ENTREP2: variants seen among roughly 807,000 people sequenced by gnomAD.
The protein encoded by ENTREP2 is protein ENTREP2.
At chr15:29,254,399 G>A in the ENTREP2 span, among the ~76,000 whole-genome samples, 1 of 152,088 alleles carries the variant, frequency 6.6e-6, no homozygotes, top group Admixed American at 6.5e-5. Context: ...TTGCCCCACT[G>A]ATATTGGCCA....
chr15:29,431,883 T>C, the ENTREP2 span, among the ~76,000 whole-genome samples: 1 of 152,156 alleles, frequency 6.6e-6, no homozygotes, highest in Non-Finnish European at 1.5e-5. Context: ...TTCAAATTAA[T>C]GAAATGAACA....
At chr15:29,219,317 A>G in the ENTREP2 span, among the ~76,000 whole-genome samples, 1 of 151,992 alleles carries the variant, frequency 6.6e-6, no homozygotes. Context: ...AAATCAAAAA[A>G]TAGTAGATGT....
the ENTREP2 span, among the ~76,000 whole-genome samples, chr15:29,229,653 C>T: frequency 6.6e-6 from 1 of 152,096 alleles, no homozygotes; most frequent in African/African-American, 2.4e-5. Context: ...TAACCTGTCC[C>T]TTCTTGTACT....
the ENTREP2 span, among the ~76,000 whole-genome samples, chr15:29,399,986 A>C: frequency 6.6e-6 from 1 of 152,194 alleles, no homozygotes; most frequent in African/African-American, 2.4e-5. Flanking sequence ...TCCACATATA[A>C]GTGGACCTAT....
At chr15:29,613,860 G>A in the ENTREP2 span, 4 of 168,704 alleles carry the variant, frequency 2.4e-5, no homozygotes, top group Admixed American at 1.2e-4. Flanking sequence ...GAAGCCAGCT[G>A]TATAGGGCTC....
At chr15:29,625,521 G>A in the ENTREP2 span, among the ~76,000 whole-genome samples, 271 of 150,838 alleles carry the variant, frequency 1.8e-3, 1 homozygote, top group East Asian at 0.02. Context: ...TCAGCCTCCC[G>A]AGTAGCTAAG....
At chr15:29,244,605 G>A in the ENTREP2 span, among the ~76,000 whole-genome samples, 8 of 152,246 alleles carry the variant, frequency 5.3e-5, no homozygotes, top group Admixed American at 1.3e-4. Flanking sequence ...CCTGGATCAG[G>A]GAAGCAGCGT....
chr15:29,550,692 C>A, the ENTREP2 span, among the ~76,000 whole-genome samples: 1 of 152,156 alleles, frequency 6.6e-6, no homozygotes, highest in Non-Finnish European at 1.5e-5. Context: ...AATACAAAGA[C>A]ACTCTAATTT....
chr15:29,268,668 G>T, the ENTREP2 span: 2 of 930,100 alleles, frequency 2.2e-6, no homozygotes, highest in Non-Finnish European at 1.6e-6. Context: ...ACATCCTAAA[G>T]CTACACACAT....
At chr15:29,374,300 A>C in the ENTREP2 span, 1 of 151,920 alleles carries the variant, frequency 6.6e-6, no homozygotes, top group East Asian at 1.9e-4. Flanking sequence ...TTTTGCATTA[A>C]TTGGATATTT....
the ENTREP2 span, among the ~76,000 whole-genome samples, chr15:29,258,449 C>T: frequency 3.3e-5 from 5 of 151,140 alleles, no homozygotes; most frequent in Non-Finnish European, 7.4e-5. Context: ...ACAGATGCTA[C>T]GAAAGTCAAG....
the ENTREP2 span, among the ~76,000 whole-genome samples, chr15:29,183,562 T>G: frequency 6.6e-6 from 1 of 152,220 alleles, no homozygotes; most frequent in Non-Finnish European, 1.5e-5. Flanking sequence ...AGAAGCAACC[T>G]GTGGAATACT....
At chr15:29,202,521 A>AG in the ENTREP2 span, among the ~76,000 whole-genome samples, 2 of 152,102 alleles carry the variant, frequency 1.3e-5, no homozygotes, top group Non-Finnish European at 2.9e-5. Flanking sequence ...CAGAATGTAC[A>AG]GGTTTGTTAC....
At chr15:29,118,709 G>A in the ENTREP2 span, among the ~76,000 whole-genome samples, 1 of 151,290 alleles carries the variant, frequency 6.6e-6, no homozygotes, top group Non-Finnish European at 1.5e-5. Context: ...GCGTGTGCGT[G>A]TGTAAAAGCC....
the ENTREP2 span, among the ~76,000 whole-genome samples, chr15:29,384,819 C>T: frequency 2.0e-5 from 3 of 152,132 alleles, no homozygotes; most frequent in African/African-American, 4.8e-5. Context: ...GGCCACATTC[C>T]GGGGCTCTGG....
the ENTREP2 span, among the ~76,000 whole-genome samples, chr15:29,443,775 G>A: frequency 6.6e-6 from 1 of 152,008 alleles, no homozygotes; most frequent in Non-Finnish European, 1.5e-5. Flanking sequence ...ATCCTCGGAG[G>A]CTTTGATTGG....
At chr15:29,625,728 C>A in the ENTREP2 span, among the ~76,000 whole-genome samples, 10 of 152,112 alleles carry the variant, frequency 6.6e-5, no homozygotes, top group Admixed American at 6.5e-4. Context: ...ACTTATTTTC[C>A]AGAGTGGTTA....
the ENTREP2 span, among the ~76,000 whole-genome samples, chr15:29,498,584 A>C: frequency 1.3e-5 from 2 of 152,204 alleles, no homozygotes; most frequent in African/African-American, 4.8e-5. Flanking sequence ...CCTATCCTGA[A>C]GAATGTTCCA....
At chr15:29,383,941 C>G in the ENTREP2 span, among the ~76,000 whole-genome samples, 1 of 152,344 alleles carries the variant, frequency 6.6e-6, no homozygotes, top group East Asian at 1.9e-4. Flanking sequence ...GGTCCCCTCC[C>G]ATGGCCATGC....
Sources: gnomAD v4.1 joint callset for allele counts (sites outside exome capture counted in the v4.1 genomes callset) on GRCh38, gnomAD v4.1.1 for gene constraint, MANE v1.5 for transcripts, NCBI Gene and HGNC (gene_info 2026-07-23, HGNC 2026-07-21) for gene names.